SNX32: variants seen among roughly 807,000 people sequenced by gnomAD.
SNX32 encodes the protein sorting nexin-32.
In SNX32, 58 loss-of-function variants were observed where a neutral mutation model predicts 57.0. That is an observed-to-expected ratio of 1.02 (90% CI 0.82 to 1.27). SNX32 has a LOEUF of 1.27. Among genes scored for constraint, SNX32 ranks in the 50% most tolerant of loss-of-function variants. SNX32 has a pLI of 0.00. For synonymous variants in SNX32, 262 were observed against 220.4 expected, an observed-to-expected ratio of 1.19 and a Z score of -1.67; for missense variants, 589 against 541.2, an observed-to-expected ratio of 1.09 and a Z score of -0.88.
At chr11:65,845,475 G>A (rs569360979) in intron 1 of SNX32, among the ~76,000 whole-genome samples, 1 of 150,806 alleles carries the variant, frequency 6.6e-6, no homozygotes, top group East Asian at 2.0e-4. Context: ...AGTGGCTCAC[G>A]CCTGTAATCC....
In SNX32 at chr11:65,850,241, A is replaced by G. The variant is rs1441828446; in HGVS notation, c.344A>G (p.Glu115Gly). 1.9e-6 allele frequency: 3 copies of G among 1,614,200 alleles called. No individual in the cohort carries two copies. The highest frequency in any genetic ancestry group is 1.7e-6 in the Non-Finnish European group (2 of 1,180,020). Reference sequence around the variant, plus strand: ...GGGGACAGCTCTGTCACTCGGGAAGAGTTTGCCAAGATGAAGCAGGAGCTG... The same window carrying G: ...GGGGACAGCTCTGTCACTCGGGAAGGGTTTGCCAAGATGAAGCAGGAGCTG... ...GEGDSSVTRE[E>G]FAKMKQELEA... Residue 115 changes from glutamate (E) to glycine (G), a missense_variant, in exon 4 of 13, where the codon GAG (glutamate) becomes GGG (glycine). Physicochemically the swap from Glu to Gly is moderately conservative, Grantham distance 98. Coordinates refer to ENST00000308342, the MANE Select transcript of SNX32 (RefSeq NM_152760.3).
At chr11:65,852,068 C>T (rs1859217377) in intron 9 of SNX32, among the ~76,000 whole-genome samples, 1 of 152,180 alleles carries the variant, frequency 6.6e-6, no homozygotes, top group African/African-American at 2.4e-5. Flanking sequence ...GACCGCATCT[C>T]TTCCCTGCTC....
chr11:65,851,159 G>A lies in SNX32; in HGVS notation c.708G>A (p.Lys236=). The stretch of plus-strand genomic sequence containing the variant: ...CCGACCGCGTCATGCGCGCCCACAA[G>A]TGTACGCAGGGCCCAAGGGGTCCTG... ...LRADRVMRAH[K]CLADDYIPIS... The change falls in exon 7 of 13, where the codon AAG becomes AAA. Residue 236 remains lysine (K), a splice_region_variant and synonymous_variant. Transcript: ENST00000308342. 6.2e-7 allele frequency: 1 copy of A among 1,612,192 alleles called. No homozygotes were observed. Among genetic ancestry groups the A allele is most frequent in the Admixed American group, 1.7e-5 (1 of 60,034 alleles).
At chr11:65,849,033 A>C (rs1255916586) in intron 1 of SNX32, among the ~76,000 whole-genome samples, 1 of 152,096 alleles carries the variant, frequency 6.6e-6, no homozygotes. Flanking sequence ...GGTCCCAGCT[A>C]CTCGGGAGGC....
rs752390045 is a variant in SNX32 at position 65,852,912 on chromosome 11, G to GA, written c.1115dup (p.Asn373GlufsTer4). ...AAGTCCCGCCGGGTCTCCTCTTTTC[G>GA]AAAGAATCTCATTGAGCTGGCAGAG... On this transcript the variant is annotated frameshift_variant, in exon 12 of 13. Transcript: ENST00000308342. LOFTEE classifies it high-confidence loss of function. 1 of 1,614,128 alleles carries GA rather than the reference G, an allele frequency of 6.2e-7. No individual in the cohort carries two copies. The highest frequency in any genetic ancestry group is 1.1e-5 in the South Asian group (1 of 91,078).
intron 12 of SNX32, 75 bp downstream of exon 12, chr11:65,853,033 G>A (rs569575048): frequency 5.3e-6 from 8 of 1,512,856 alleles, no homozygotes; most frequent in African/African-American, 1.4e-5. Flanking sequence ...AGGCACCAGG[G>A]TGTGCGTGCA....
At chr11:65,844,897 C>T (rs544416769) in intron 1 of SNX32, among the ~76,000 whole-genome samples, 2 of 149,574 alleles carry the variant, frequency 1.3e-5, no homozygotes, top group Admixed American at 6.8e-5. Context: ...ACCTGGGAGG[C>T]GGAGGTTGCT....
rs1488575722 is a variant in SNX32, at chr11:65,849,534, T to G, written c.93T>G (p.Ser31=). ...ACAGCTCCTTACAGGTGGAGATTTC[T>G]GACGCAGTGAGTGAGCGGGACAAGG... The part of the protein sequence containing the change: ...QGDSSLQVEI[S]DAVSERDKVK... Residue 31 remains serine (S), a synonymous_variant, in exon 2 of 13, where the codon TCT becomes TCG. Transcript: ENST00000308342. The G allele has an allele frequency of 6.2e-7, 1 of 1,614,122 alleles. No individual in the cohort carries two copies. Among genetic ancestry groups the G allele is most frequent in the Non-Finnish European group, 8.5e-7 (1 of 1,180,026 alleles).
intron 1 of SNX32, among the ~76,000 whole-genome samples, chr11:65,844,466 G>C (rs1473333945): frequency 6.6e-6 from 1 of 151,230 alleles, no homozygotes; most frequent in African/African-American, 2.4e-5. Context: ...AATAGAGAGA[G>C]AGAGAGATAA....
At chr11:65,843,819 A>G (rs150865477) in intron 1 of SNX32, among the ~76,000 whole-genome samples, 46 of 152,358 alleles carry the variant, frequency 3.0e-4, no homozygotes, top group African/African-American at 1.0e-3. Context: ...ATAATCAACA[A>G]TGGGTTTGTC....
Position 65,852,622 on chromosome 11 carries a change from G to A in SNX32, c.913-8G>A. On this transcript the variant is annotated splice_region_variant and splice_polypyrimidine_tract_variant and intron_variant, in intron 10 of 12. Transcript: ENST00000308342. ...AGGGCAGCAGTGACCCTGTGCCCAT[G>A]GTCCTAGGACCTGCTGTACCGGCGG... 1 of 1,612,640 alleles carries A rather than the reference G, an allele frequency of 6.2e-7. No individual in the cohort carries two copies. The highest frequency in any genetic ancestry group is 8.5e-7 in the Non-Finnish European group (1 of 1,179,592).
intron 1 of SNX32, 95 bp from the exon 2 acceptor site, chr11:65,849,383 G>C: frequency 1.1e-6 from 1 of 916,946 alleles, no homozygotes; most frequent in Non-Finnish European, 1.7e-6. Context: ...CAGTGCTGCT[G>C]AAGAGGGTTC....
chr11:65,839,042 A>AATTATT (rs113197271), intron 1 of SNX32, among the ~76,000 whole-genome samples: 2 of 150,330 alleles, frequency 1.3e-5, no homozygotes, highest in Admixed American at 1.3e-4. Flanking sequence ...GAAAATAAGT[A>AATTATT]ATTATTATTA....
At chr11:65,851,252 T>G in intron 7 of SNX32, 76 bp from the exon 8 acceptor site, 1 of 1,599,614 alleles carries the variant, frequency 6.3e-7, no homozygotes, top group Admixed American at 1.7e-5. Context: ...GCGTGCCTTG[T>G]TGTTTGTCTG....
intron 12 of SNX32, 108 bp from the exon 13 acceptor site, chr11:65,853,174 A>G: frequency 6.7e-7 from 1 of 1,495,454 alleles, no homozygotes; most frequent in South Asian, 1.1e-5. Context: ...AGCAGCTGTT[A>G]TTGCAGAGAG....
chr11:65,845,276 A>T (rs962165359), intron 1 of SNX32, among the ~76,000 whole-genome samples: 1 of 151,504 alleles, frequency 6.6e-6, no homozygotes, highest in Admixed American at 6.6e-5. Context: ...CGTCTCTACT[A>T]AAAAATACAA....
rs779385046 is a variant in SNX32, at chr11:65,851,361, C to T, written c.743C>T (p.Ala248Val). Residue 248 changes from alanine (A) to valine (V), a missense_variant, in exon 8 of 13, where the codon GCG (alanine) becomes GTG (valine). By Grantham distance (64) the Ala-to-Val change is moderately conservative. Coordinates refer to ENST00000308342, the MANE Select transcript of SNX32 (RefSeq NM_152760.3). ...LADDYIPISA[A>V]LSSLGTQEVN... ...GACGATTATATCCCTATCTCAGCTGCGCTGAGCAGTCTGGGAACACAGGAA... is the reference window on the plus strand; with the variant it reads ...GACGATTATATCCCTATCTCAGCTGTGCTGAGCAGTCTGGGAACACAGGAA... 2.2e-5 allele frequency: 35 copies of T among 1,614,150 alleles called. No homozygotes were observed. The highest frequency in any genetic ancestry group is 8.9e-5 in the East Asian group (4 of 44,880).
At chr11:65,836,691 G>C (rs777388479) in intron 1 of SNX32, among the ~76,000 whole-genome samples, 3 of 152,154 alleles carry the variant, frequency 2.0e-5, no homozygotes, top group African/African-American at 7.2e-5. Flanking sequence ...AGAAAATGTG[G>C]CACATATACA....
At chr11:65,845,265 C>A (rs1436410745) in intron 1 of SNX32, among the ~76,000 whole-genome samples, 1 of 151,534 alleles carries the variant, frequency 6.6e-6, no homozygotes, top group African/African-American at 2.4e-5. Context: ...CAGTGAAACC[C>A]CGTCTCTACT....
Sources: allele counts gnomAD v4.1 joint callset (sites outside exome capture counted in the v4.1 genomes callset), GRCh38; gene constraint gnomAD v4.1.1; transcripts MANE v1.5; gene names NCBI Gene and HGNC (gene_info 2026-07-23, HGNC 2026-07-21).